The following SLAMF6 variants were observed in gnomAD, a reference collection of about 807,000 sequenced individuals.
SLAMF6 encodes the protein NK-T-B-antigen.
SLAMF6 carries 21 observed loss-of-function variants against 38.3 expected under a neutral mutation model. The observed-to-expected ratio is 0.55, with a 90% CI of 0.39 to 0.79. The LOEUF (loss-of-function observed/expected upper bound fraction) is 0.79, where lower values mean the gene tolerates loss of function less well. SLAMF6 is among the 30% of genes least tolerant of loss of function. The pLI, the probability that SLAMF6 is intolerant of heterozygous loss-of-function variation, is 0.00. For synonymous variants in SLAMF6, 152 were observed against 146.3 expected, an observed-to-expected ratio of 1.04 and a Z score of -0.28; for missense variants, 341 against 385.3, an observed-to-expected ratio of 0.89 and a Z score of 0.96.
intron 6 of SLAMF6, among the ~76,000 whole-genome samples, chr1:160,488,535 T>C (rs1183159821): frequency 1.3e-5 from 2 of 152,182 alleles, no homozygotes; most frequent in East Asian, 3.8e-4. Context: ...GAGTTGCTGA[T>C]GCTTGACCAG....
chr1:160,522,768 C>T (rs1407646651), intron 1 of SLAMF6, among the ~76,000 whole-genome samples: 3 of 151,990 alleles, frequency 2.0e-5, no homozygotes, highest in Non-Finnish European at 4.4e-5. Context: ...AAGTAACCTC[C>T]CTGAGGTTCA....
In SLAMF6 at chr1:160,486,474, C is replaced by T; in HGVS notation, c.*233G>A. 2 of 490,366 alleles carry T rather than the reference C, an allele frequency of 4.1e-6. No homozygotes were observed. The highest frequency in any genetic ancestry group is 2.5e-5 in the South Asian group (1 of 40,190). 30.4% of individuals were successfully genotyped at this position (490,366 alleles called of 1,614,324 possible). ...GTGTGTTATCTTTAGCATGTTTTGG[C>T]CTGAAGTGGATTGGAAAATATTATT... On this transcript the variant is annotated 3_prime_UTR_variant, in exon 8 of 8. Transcript: ENST00000368057.
At chr1:160,521,419 G>T (rs1270429092) in intron 1 of SLAMF6, among the ~76,000 whole-genome samples, 1 of 152,142 alleles carries the variant, frequency 6.6e-6, no homozygotes, top group African/African-American at 2.4e-5. Context: ...ATAGGGAGAA[G>T]AAGAGGAGTT....
chr1:160,517,508 T>G (rs867091438), intron 1 of SLAMF6, among the ~76,000 whole-genome samples: 41 of 152,312 alleles, frequency 2.7e-4, no homozygotes, highest in African/African-American at 9.4e-4. Flanking sequence ...TCTGGGTATA[T>G]ACCCAAAGGA....
intron 1 of SLAMF6, among the ~76,000 whole-genome samples, chr1:160,503,555 G>C (rs541286539): frequency 6.6e-6 from 1 of 152,208 alleles, no homozygotes; most frequent in South Asian, 2.1e-4. Flanking sequence ...AGGTAGGTGT[G>C]GCATCAAAGG....
At position 160,490,654 on chromosome 1, in the gene SLAMF6, C is replaced by A; in HGVS notation, c.678G>T (p.Met226Ile). 7 of 1,613,712 alleles carry A rather than the reference C, an allele frequency of 4.3e-6. No individual in the cohort carries two copies. Among genetic ancestry groups the A allele is most frequent in the Non-Finnish European group, 5.9e-6 (7 of 1,179,764 alleles). Residue 226 changes from methionine to isoleucine, a missense_variant, in exon 4 of 8, where the codon ATG becomes ATT. Met to Ile is a conservative substitution (Grantham distance 10). Coordinates refer to ENST00000368057, the MANE Select transcript of SLAMF6 (RefSeq NM_001184714.2). ...ATATCCCAGAAACCATAAACAGAAT[C>A]ATTTTGGTATCTGTATATTGAATTT... The part of the protein sequence containing the change: ...DVKIQYTDTK[M>I]ILFMVSGICI...
chr1:160,506,789 C>A (rs1292440599), intron 1 of SLAMF6, among the ~76,000 whole-genome samples: 1 of 152,092 alleles, frequency 6.6e-6, no homozygotes, highest in Non-Finnish European at 1.5e-5. Flanking sequence ...AACATTGGAG[C>A]ACAGTGTTTG....
intron 1 of SLAMF6, among the ~76,000 whole-genome samples, chr1:160,503,050 T>C (rs1357898894): frequency 6.6e-6 from 1 of 152,084 alleles, no homozygotes; most frequent in African/African-American, 2.4e-5. Flanking sequence ...AGGGTGGGCT[T>C]AGGAGCATAA....
chr1:160,507,726 G>C (rs1226871265), intron 1 of SLAMF6, among the ~76,000 whole-genome samples: 2 of 151,980 alleles, frequency 1.3e-5, no homozygotes, highest in Non-Finnish European at 1.5e-5. Context: ...TGGAAATCAA[G>C]AACAGAAGGA....
chr1:160,503,313 G>A (rs1404607396), intron 1 of SLAMF6, among the ~76,000 whole-genome samples: 1 of 152,138 alleles, frequency 6.6e-6, no homozygotes, highest in Non-Finnish European at 1.5e-5. Context: ...TGTGGAAGCA[G>A]TGAGGAGGAA....
At chr1:160,504,773 C>G (rs1654093757) in intron 1 of SLAMF6, among the ~76,000 whole-genome samples, 1 of 152,128 alleles carries the variant, frequency 6.6e-6, no homozygotes, top group South Asian at 2.1e-4. Flanking sequence ...GGAAGAAAAG[C>G]TGGGGAGAAA....
At chr1:160,511,540 C>T (rs1654472510) in intron 1 of SLAMF6, among the ~76,000 whole-genome samples, 1 of 152,158 alleles carries the variant, frequency 6.6e-6, no homozygotes, top group Non-Finnish European at 1.5e-5. Context: ...TGAAGTTGGG[C>T]CCCTTCCTCT....
chr1:160,487,335 A>G, intron 6 of SLAMF6, 160 bp from the exon 7 acceptor site: 1 of 192,386 alleles, frequency 5.2e-6, no homozygotes, highest in Non-Finnish European at 9.5e-6. Context: ...ACGACTAGCT[A>G]TCAAACTTGT....
intron 1 of SLAMF6, among the ~76,000 whole-genome samples, chr1:160,502,498 G>T (rs1557942038): frequency 6.6e-6 from 1 of 152,160 alleles, no homozygotes; most frequent in Non-Finnish European, 1.5e-5. Flanking sequence ...AGTCAGCATT[G>T]TATTTCCCCA....
intron 1 of SLAMF6, among the ~76,000 whole-genome samples, chr1:160,508,775 A>T (rs1654323104): frequency 6.6e-6 from 1 of 151,532 alleles, no homozygotes; most frequent in Non-Finnish European, 1.5e-5. Flanking sequence ...CCAAGCGCTA[A>T]TATCTAGAAT....
At chr1:160,496,007 A>G in intron 2 of SLAMF6, 54 bp downstream of exon 2, 2 of 1,493,536 alleles carry the variant, frequency 1.3e-6, no homozygotes, top group Middle Eastern at 1.9e-4. Flanking sequence ...ATAGGATTGG[A>G]ATACATGTAT....
intron 2 of SLAMF6, among the ~76,000 whole-genome samples, chr1:160,494,889 T>C (rs1445259780): frequency 1.3e-5 from 2 of 152,146 alleles, no homozygotes; most frequent in Non-Finnish European, 2.9e-5. Flanking sequence ...ACCTACTTTA[T>C]GGTATTTCTA....
At chr1:160,514,006 C>T (rs1442924676) in intron 1 of SLAMF6, among the ~76,000 whole-genome samples, 1 of 152,162 alleles carries the variant, frequency 6.6e-6, no homozygotes, top group Non-Finnish European at 1.5e-5. Flanking sequence ...GGATCAAATT[C>T]ACACATAACA....
At position 160,486,584 on chromosome 1, in the gene SLAMF6, C is replaced by T. The variant is rs1652972089; in HGVS notation, c.*123G>A. The T allele has an allele frequency of 1.0e-6, 1 of 1,001,586 alleles. No individual in the cohort carries two copies. Among genetic ancestry groups the T allele is most frequent in the East Asian group, 2.5e-5 (1 of 40,138 alleles). The allele number at this position is 1,001,586 out of a possible 1,614,324, so 62.0% of individuals were successfully genotyped here. A position where few individuals can be genotyped will look rare whatever the true frequency, so the allele number is the denominator to read the frequency against. On this transcript the variant is annotated 3_prime_UTR_variant, in exon 8 of 8. Transcript: ENST00000368057. The stretch of plus-strand genomic sequence containing the variant: ...AGTCCGAAGGACTGGAGGTGATCAT[C>T]CTATCCTAGATATTCAAATTCTGTT...
Sources: allele counts gnomAD v4.1 joint callset (sites outside exome capture counted in the v4.1 genomes callset), GRCh38; gene constraint gnomAD v4.1.1; transcripts MANE v1.5; gene names NCBI Gene and HGNC (gene_info 2026-07-23, HGNC 2026-07-21).